TNFRSF10B: variants seen among roughly 807,000 people sequenced by gnomAD.
TNFRSF10B encodes the protein TNF receptor superfamily member 10b, also known as tumor necrosis factor receptor superfamily member 10B.
Under a neutral mutation model 41.4 loss-of-function variants are expected in TNFRSF10B, and 35 were observed. The ratio of observed to expected loss-of-function variants is 0.85; its 90% confidence interval spans 0.65 to 1.12. The LOEUF is 1.12. TNFRSF10B is among the 50% of genes most tolerant of loss of function. The pLI, the probability that TNFRSF10B is intolerant of heterozygous loss-of-function variation, is 0.00. For synonymous variants in TNFRSF10B, 230 were observed against 215.5 expected (o/e 1.07, Z -0.59); for missense variants, 584 against 552.7 (o/e 1.06, Z -0.57).
intron 4 of TNFRSF10B, 94 bp from the exon 5 acceptor site, chr8:23,028,696 G>C (rs1811787136): frequency 8.7e-6 from 13 of 1,495,520 alleles, no homozygotes; most frequent in South Asian, 6.9e-5. Context: ...CAGTGTCCCT[G>C]AGAAGGTGTC....
intron 1 of TNFRSF10B, among the ~76,000 whole-genome samples, chr8:23,056,535 C>T (rs751748876): frequency 3.9e-5 from 6 of 151,996 alleles, no homozygotes; most frequent in Non-Finnish European, 8.8e-5. Flanking sequence ...CCTGTAATCC[C>T]AGCTACTCAG....
chr8:23,021,031 G>A lies in TNFRSF10B; in HGVS notation c.*1640C>T, dbSNP rs931718543. On this transcript the variant is annotated 3_prime_UTR_variant, in exon 9 of 9. Transcript: ENST00000276431. ...GTGATCTTCAGGCAATTCTAACTTTGTCCCACCCAAACCAGTCCCGGAACA... is the reference window on the plus strand; with the variant it reads ...GTGATCTTCAGGCAATTCTAACTTTATCCCACCCAAACCAGTCCCGGAACA... The A allele has an allele frequency of 6.6e-6, 3 of 453,932 alleles. No individual in the cohort carries two copies. Among genetic ancestry groups the A allele is most frequent in the East Asian group, 6.9e-5 (1 of 14,398 alleles). 28.1% of individuals were successfully genotyped at this position (453,932 alleles called of 1,614,324 possible). A position where few individuals can be genotyped will look rare whatever the true frequency, so the allele number is the denominator to read the frequency against.
chr8:23,024,487 T>C (rs1347573672), intron 7 of TNFRSF10B, among the ~76,000 whole-genome samples: 1 of 151,926 alleles, frequency 6.6e-6, no homozygotes, highest in African/African-American at 2.4e-5. Context: ...ACCCCAAGGT[T>C]TAATTTGTAA....
chr8:23,058,473 A>G (rs1277989510), intron 1 of TNFRSF10B, among the ~76,000 whole-genome samples: 1 of 144,166 alleles, frequency 6.9e-6, no homozygotes, highest in Non-Finnish European at 1.5e-5. Flanking sequence ...TTAGAATCCC[A>G]TTTTAATTGT....
chr8:23,059,456 G>A (rs1421883365), intron 1 of TNFRSF10B, among the ~76,000 whole-genome samples: 1 of 152,166 alleles, frequency 6.6e-6, no homozygotes, highest in African/African-American at 2.4e-5. Context: ...CATTAACAGG[G>A]CACGAGGGTT....
chr8:23,043,000 G>A (rs754526633), intron 2 of TNFRSF10B, 138 bp downstream of exon 2: 3 of 726,298 alleles, frequency 4.1e-6, no homozygotes, highest in Non-Finnish European at 7.0e-6. Flanking sequence ...GAAGGCTCCA[G>A]AAGGACAGAG....
intron 1 of TNFRSF10B, among the ~76,000 whole-genome samples, chr8:23,043,444 C>G (rs1333303147): frequency 8.5e-5 from 13 of 152,326 alleles, no homozygotes; most frequent in African/African-American, 3.1e-4. Flanking sequence ...ACCTGCAAAA[C>G]TCTTCTAAAC....
At chr8:23,042,453 A>C (rs922301605) in intron 2 of TNFRSF10B, among the ~76,000 whole-genome samples, 1 of 152,212 alleles carries the variant, frequency 6.6e-6, no homozygotes, top group Admixed American at 6.5e-5. Flanking sequence ...ACAGTCAAGC[A>C]CACTTCAGGC....
chr8:23,043,245 T>G lies in TNFRSF10B; in HGVS notation c.145-2A>C. 1 of 1,613,888 alleles carries G rather than the reference T, an allele frequency of 6.2e-7. No individual in the cohort carries two copies. The highest frequency in any genetic ancestry group is 8.5e-7 in the Non-Finnish European group (1 of 1,179,832). ...GATCAGAGCAGACTCAGCTGAGACC[T>G]GTGGGGACAAAGCAGGGATGGGCAT... On this transcript the variant is annotated splice_acceptor_variant, in intron 1 of 8. Transcript: ENST00000276431. LOFTEE classifies it high-confidence loss of function.
rs1046229411 is a variant in TNFRSF10B, at chr8:23,030,823, T to C, written c.300A>G (p.Gly100=). 6 of 1,613,092 alleles carry C rather than the reference T, an allele frequency of 3.7e-6. No homozygotes were observed. In the African/African-American group the frequency reaches 8.0e-5, roughly 22 times the overall value. ...CATTCCAGTGAGTGCTATAGTCCTG[T>C]CCATATTTGCAGGAGATGCAATCTC... is the stretch of plus-strand genomic sequence containing the variant. ...DGRDCISCKY[G]QDYSTHWNDL... Residue 100 remains glycine, a synonymous_variant, in exon 3 of 9, where the codon GGA becomes GGG. Coordinates refer to ENST00000276431, the MANE Select transcript of TNFRSF10B (RefSeq NM_003842.5).
intron 1 of TNFRSF10B, among the ~76,000 whole-genome samples, chr8:23,057,191 C>G (rs1812694688): frequency 6.6e-6 from 1 of 151,308 alleles, no homozygotes; most frequent in Non-Finnish European, 1.5e-5. Context: ...AGGAGCCCAC[C>G]ACCACCCACC....
intron 3 of TNFRSF10B, among the ~76,000 whole-genome samples, chr8:23,029,925 A>C (rs1325497075): frequency 6.6e-6 from 1 of 152,214 alleles, no homozygotes; most frequent in Non-Finnish European, 1.5e-5. Flanking sequence ...ATACAAAAGG[A>C]CCACAGTTCA....
chr8:23,067,251 T>C (rs1401834573), intron 1 of TNFRSF10B, among the ~76,000 whole-genome samples: 1 of 151,852 alleles, frequency 6.6e-6, no homozygotes, highest in Non-Finnish European at 1.5e-5. Context: ...GTGCTGGGAT[T>C]ACAGGCATGA....
intron 5 of TNFRSF10B, 165 bp downstream of exon 5, chr8:23,028,166 G>A (rs1311584283): frequency 1.8e-5 from 16 of 882,642 alleles, no homozygotes; most frequent in Non-Finnish European, 2.5e-5. Flanking sequence ...AGGGTCCTGG[G>A]GGGTGCACGG....
intron 8 of TNFRSF10B, 91 bp from the exon 9 acceptor site, chr8:23,023,075 A>T: frequency 6.7e-7 from 1 of 1,501,860 alleles, no homozygotes; most frequent in South Asian, 1.2e-5. Context: ...AAGGCGGGGA[A>T]CCTGGAGAGC....
chr8:23,062,111 C>G (rs1203301508), intron 1 of TNFRSF10B, among the ~76,000 whole-genome samples: 1 of 152,176 alleles, frequency 6.6e-6, no homozygotes, highest in African/African-American at 2.4e-5. Context: ...GTGGTATTAG[C>G]TCTTCATTAA....
rs73543025 is a variant in TNFRSF10B at position 23,032,800 on chromosome 8, G to A, written c.251-1928C>T. ...GACATAAAAATGAATAAAACATTTAGGAATGATATTTAACAAGGAGGTGCA... is the reference window on the plus strand; with the variant it reads ...GACATAAAAATGAATAAAACATTTAAGAATGATATTTAACAAGGAGGTGCA... On this transcript the variant is annotated intron_variant, in intron 2 of 8. Coordinates refer to ENST00000276431, the MANE Select transcript of TNFRSF10B (RefSeq NM_003842.5). Among the ~76,000 whole-genome samples, 511 of 152,298 alleles carry A rather than the reference G, an allele frequency of 3.4e-3. 4 individuals carry two copies. Among genetic ancestry groups the A allele is most frequent in the African/African-American group, 0.012 (485 of 41,556 alleles).
intron 2 of TNFRSF10B, among the ~76,000 whole-genome samples, chr8:23,035,519 T>C (rs1384603033): frequency 6.6e-6 from 1 of 152,134 alleles, no homozygotes; most frequent in Non-Finnish European, 1.5e-5. Flanking sequence ...ATTATACTGA[T>C]TGAACCTCAC....
In TNFRSF10B at chr8:23,024,086, A is replaced by G. The variant is rs1223773271; in HGVS notation, c.1009+102T>C. The G allele has an allele frequency of 1.7e-5, 25 of 1,455,518 alleles. No individual in the cohort carries two copies. In the Admixed American group the frequency reaches 4.0e-4, roughly 23 times the overall value. 90.2% of individuals were successfully genotyped at this position (1,455,518 alleles called of 1,614,324 possible). A position where few individuals can be genotyped will look rare whatever the true frequency, so the allele number is the denominator to read the frequency against. On this transcript the variant is annotated intron_variant, in intron 8 of 8. Coordinates refer to ENST00000276431, the MANE Select transcript of TNFRSF10B (RefSeq NM_003842.5). ...TAGCACAGGACCCACGGCTTCCAGCATGGAATACTCTGGAAGAGCCCTCTG... is the reference window on the plus strand; with the variant it reads ...TAGCACAGGACCCACGGCTTCCAGCGTGGAATACTCTGGAAGAGCCCTCTG...
Sources: allele counts gnomAD v4.1 joint callset (sites outside exome capture counted in the v4.1 genomes callset), GRCh38; gene constraint gnomAD v4.1.1; transcripts MANE v1.5; gene names NCBI Gene and HGNC (gene_info 2026-07-23, HGNC 2026-07-21).